Variants in ITLN2 observed in about 807,000 individuals in gnomAD.
The protein encoded by ITLN2 is intelectin-2.
A neutral mutation model predicts 39.4 loss-of-function variants in ITLN2; 29 were observed. The ratio of observed to expected loss-of-function variants is 0.74; its 90% CI spans 0.55 to 1.00. The LOEUF (loss-of-function observed/expected upper bound fraction) is 1.00. Ranked by LOEUF, ITLN2 falls within the 50% of genes least tolerant of loss-of-function variation. ITLN2 has a pLI of 0.00. For missense variants in ITLN2, 412 were observed against 416.7 expected, an observed-to-expected ratio of 0.99 and a Z score of 0.10; for synonymous variants, 156 against 153.4, an observed-to-expected ratio of 1.02 and a Z score of -0.12.
chr1:160,947,137 G>C (rs1039557589), intron 7 of ITLN2, among the ~76,000 whole-genome samples: 4 of 152,160 alleles, frequency 2.6e-5, no homozygotes, highest in African/African-American at 7.2e-5. Context: ...AACAGGTAAG[G>C]AGAAGGTCAG....
intron 1 of ITLN2, 58 bp from the exon 2 acceptor site, chr1:160,954,508 G>T: frequency 3.5e-6 from 5 of 1,409,954 alleles, no homozygotes; most frequent in Non-Finnish European, 4.9e-6. Flanking sequence ...TCATCCTCTC[G>T]TTCTTACTTC....
At chr1:160,952,135 A>G (rs1441468991) in intron 3 of ITLN2, among the ~76,000 whole-genome samples, 1 of 152,186 alleles carries the variant, frequency 6.6e-6, no homozygotes, top group Non-Finnish European at 1.5e-5. Context: ...CTTGCTAGCT[A>G]TGTGAGTAAT....
rs912358230 is a variant in ITLN2 at position 160,952,695 on chromosome 1, C to T, written c.118G>A (p.Glu40Lys). 1.3e-5 allele frequency: 21 copies of T among 1,613,932 alleles called. No individual in the cohort carries two copies. Among genetic ancestry groups the T allele is most frequent in the Non-Finnish European group, 1.7e-5 (20 of 1,179,988 alleles). Residue 40 changes from glutamate (E) to lysine (K), a missense_variant, in exon 3 of 8, where the codon GAA (glutamate) becomes AAA (lysine). Glu to Lys is a moderately conservative substitution (Grantham distance 56). Transcript: ENST00000368029. ...GAAGAAAAGGAGAAGGCACAGGTTTCGAATTCCCTCGAGAGCATCTCAAGA... is the reference window on the plus strand; with the variant it reads ...GAAGAAAAGGAGAAGGCACAGGTTTTGAATTCCCTCGAGAGCATCTCAAGA... ...SSLEMLSREF[E>K]TCAFSFSSLP...
chr1:160,951,447 A>C, intron 3 of ITLN2, 157 bp from the exon 4 acceptor site: 1 of 924,130 alleles, frequency 1.1e-6, no homozygotes, highest in South Asian at 1.9e-5. Context: ...TGTTCTGCTC[A>C]CCTATGAGCA....
rs1480415945 is a variant in ITLN2, at chr1:160,954,397, C to T, written c.69G>A (p.Gly23=). The T allele has an allele frequency of 2.5e-6, 4 of 1,574,186 alleles. No individual in the cohort carries two copies. Among genetic ancestry groups the T allele is most frequent in the Admixed American group, 3.7e-5 (2 of 53,782 alleles). ...TCAGAAGCCATTTACCTGCACTGCA[C>T]CCACTGGTGGCCACAGAGAAGAATA... ...FLLFFSVATS[G]CSAAAASSLE... is the part of the protein sequence containing the mutation. The change falls in exon 2 of 8, where the codon GGG becomes GGA. Residue 23 remains glycine (G), a synonymous_variant. Transcript: ENST00000368029.
chr1:160,950,953 C>T, intron 4 of ITLN2, 90 bp downstream of exon 4: 1 of 1,606,512 alleles, frequency 6.2e-7, no homozygotes, highest in Non-Finnish European at 8.5e-7. Context: ...TTCCCCATAT[C>T]CCCACCTTCC....
Position 160,951,158 on chromosome 1 carries a change from C to A in ITLN2, c.326G>T (p.Gly109Val). 6.2e-7 allele frequency: 1 copy of A among 1,614,174 alleles called. No individual in the cohort carries two copies. Among genetic ancestry groups the A allele is most frequent in the Non-Finnish European group, 8.5e-7 (1 of 1,180,042 alleles). Residue 109 changes from glycine (G) to valine (V), a missense_variant, in exon 4 of 8, where the codon GGT (glycine) becomes GTT (valine). Physicochemically the swap from Gly to Val is moderately radical, Grantham distance 109. Transcript: ENST00000368029. ...GCCCTGCTGACTGGACCAGCGATCA[C>A]CCACCGTGCACTTCCCACGCATGTC... is the stretch of plus-strand genomic sequence containing the variant. Reference protein sequence around the residue: ...ENDMRGKCTVGDRWSSQQGNK... With the variant: ...ENDMRGKCTVVDRWSSQQGNK...
chr1:160,952,423 TTC>T (rs1284871375), intron 3 of ITLN2, among the ~76,000 whole-genome samples, 195 bp downstream of exon 3: 1 of 152,162 alleles, frequency 6.6e-6, no homozygotes, highest in Non-Finnish European at 1.5e-5. Context: ...GAACACTGCA[TTC>T]TCTCTGTGTT....
Position 160,951,024 on chromosome 1 carries a change from G to T in ITLN2, c.441+19C>A, listed in dbSNP as rs563624729. ...TCCACACCTCACCCTCACCCAAGTA[G>T]GAGAGAAGTGGCACCAACCTTGTAG... On this transcript the variant is annotated intron_variant, in intron 4 of 7. Transcript: ENST00000368029. 13 of 1,614,186 alleles carry T rather than the reference G, an allele frequency of 8.1e-6. No individual in the cohort carries two copies. The Admixed American group carries it at 1.8e-4, about 23-fold the overall frequency.
chr1:160,948,314 C>T (rs1019691676), intron 6 of ITLN2, among the ~76,000 whole-genome samples: 1 of 152,158 alleles, frequency 6.6e-6, no homozygotes, highest in Non-Finnish European at 1.5e-5. Context: ...AAACTAGACT[C>T]TACAAAAAGA....
Position 160,946,328 on chromosome 1 carries a change from A to C in ITLN2, c.826-1036T>G, listed in dbSNP as rs144757478. ...CTCCCTCTCAAAAAATAAATAAATA[A>C]ATACATAAGATTTAAAAGACAAATA... On this transcript the variant is annotated intron_variant, in intron 7 of 7. Transcript: ENST00000368029. 2.0e-3 allele frequency among the ~76,000 whole-genome samples: 311 copies of C among 152,174 alleles called. 1 individual carries two copies. Among genetic ancestry groups the C allele is most frequent in the African/African-American group, 7.0e-3 (292 of 41,500 alleles).
chr1:160,947,603 C>T (rs536177842), intron 7 of ITLN2, among the ~76,000 whole-genome samples: 2 of 152,320 alleles, frequency 1.3e-5, no homozygotes, highest in African/African-American at 4.8e-5. Flanking sequence ...TGCGGCTTTC[C>T]GCAGTGCATT....
chr1:160,950,857 GA>G, intron 4 of ITLN2, 146 bp from the exon 5 acceptor site: 1 of 1,456,508 alleles, frequency 6.9e-7, no homozygotes. Flanking sequence ...CCCAGCTGAT[GA>G]TCCCACCACC....
At position 160,954,712 on chromosome 1, in the gene ITLN2, A is replaced by G. The variant is rs764059838; in HGVS notation, c.15+15T>C. 2 of 1,614,026 alleles carry G rather than the reference A, an allele frequency of 1.2e-6. No individual in the cohort carries two copies. Among genetic ancestry groups the G allele is most frequent in the Non-Finnish European group, 1.7e-6 (2 of 1,179,912 alleles). On this transcript the variant is annotated intron_variant, in intron 1 of 7. Coordinates refer to ENST00000368029, the MANE Select transcript of ITLN2 (RefSeq NM_080878.3). ...CATTGCTCCCACACACATGGATCAA[A>G]AACATTTTTCTCACCAGCATGGACA... is the stretch of plus-strand genomic sequence containing the variant.
intron 3 of ITLN2, among the ~76,000 whole-genome samples, chr1:160,952,009 G>A (rs1482003386): frequency 6.6e-6 from 1 of 152,210 alleles, no homozygotes; most frequent in Non-Finnish European, 1.5e-5. Flanking sequence ...AAACAGCTAT[G>A]GCAGCATGGA....
rs750602994 is a variant in ITLN2 at position 160,947,977 on chromosome 1, G to A, written c.777C>T (p.Ala259=). The change falls in exon 7 of 8, where the codon GCC becomes GCT. Residue 259 remains alanine, a synonymous_variant. Coordinates refer to ENST00000368029, the MANE Select transcript of ITLN2 (RefSeq NM_080878.3). ...CTTTTATCCCAGCACAAAGGGCGTTGGCTGCTCTCTCGTTATTAAACACCC... is the reference window on the plus strand; with the variant it reads ...CTTTTATCCCAGCACAAAGGGCGTTAGCTGCTCTCTCGTTATTAAACACCC... ...QFRVFNNERA[A]NALCAGIKVT... The A allele has an allele frequency of 1.6e-5, 26 of 1,614,008 alleles. No homozygotes were observed. The highest frequency in any genetic ancestry group is 3.3e-5 in the Admixed American group (2 of 59,992).
chr1:160,954,111 C>T (rs1671810837), intron 2 of ITLN2, among the ~76,000 whole-genome samples: 1 of 152,174 alleles, frequency 6.6e-6, no homozygotes, highest in Non-Finnish European at 1.5e-5. Flanking sequence ...TACTCTCTCA[C>T]CCCATGAACC....
Position 160,950,496 on chromosome 1 carries a change from G to T in ITLN2, c.600+57C>A, listed in dbSNP as rs1165402021. 8.2e-6 allele frequency: 13 copies of T among 1,582,220 alleles called. No homozygotes were observed. The Admixed American group carries it at 2.2e-4, about 27-fold the overall frequency. ...CAGGACAGATCTGCCCCCTACCCTA[G>T]ACACTTCGATCTCTGTTCACCAAAG... On this transcript the variant is annotated intron_variant, in intron 5 of 7. Transcript: ENST00000368029.
chr1:160,951,536 G>T (rs1466758855), intron 3 of ITLN2: 15 of 473,700 alleles, frequency 3.2e-5, no homozygotes, highest in Admixed American at 7.8e-5. Flanking sequence ...GACAGAGATG[G>T]TATCTCCCTC....
Sources: allele counts gnomAD v4.1 joint callset (sites outside exome capture counted in the v4.1 genomes callset), GRCh38; gene constraint gnomAD v4.1.1; transcripts MANE v1.5; gene names NCBI Gene and HGNC (gene_info 2026-07-23, HGNC 2026-07-21).